Variants in SDK1 observed in about 807,000 individuals in gnomAD.
SDK1 encodes the protein sidekick cell adhesion molecule 1, also known as protein sidekick-1.
SDK1 carries 157 observed loss-of-function variants against 245.5 expected under a neutral mutation model. The observed-to-expected ratio is 0.64, with a 90% confidence interval of 0.56 to 0.73. The LOEUF (loss-of-function observed/expected upper bound fraction) is 0.73. Among genes scored for constraint, SDK1 ranks in the 30% least tolerant of loss-of-function variants. SDK1 has a pLI of 0.00. For missense variants in SDK1, 3,583 were observed against 3,002.3 expected (o/e 1.19, Z -4.52); for synonymous variants, 1,647 against 1,278.5 (o/e 1.29, Z -6.15).
chr7:3,645,378 G>A (rs1245533157), intron 4 of SDK1, among the ~76,000 whole-genome samples: 2 of 152,124 alleles, frequency 1.3e-5, no homozygotes, highest in African/African-American at 4.8e-5. Context: ...AGGCCCTTTA[G>A]TTTCGTATTT....
In SDK1 at chr7:3,592,205, G is replaced by T. The variant is rs189187722; in HGVS notation, c.299-26875G>T. ...TTTAGAGCTCCTCAAGTCATTATAA[G>T]AATCACCCAACAGTGTGAAATCAAA... On this transcript the variant is annotated intron_variant, in intron 1 of 44. Transcript: ENST00000404826. Among the ~76,000 whole-genome samples the T allele has an allele frequency of 5.3e-5, 8 of 152,228 alleles. No individual in the cohort carries two copies. The East Asian group carries it at 1.5e-3, about 29-fold the overall frequency.
intron 1 of SDK1, among the ~76,000 whole-genome samples, chr7:3,406,032 C>G (rs910649767): frequency 6.6e-6 from 1 of 152,062 alleles, no homozygotes; most frequent in Admixed American, 6.6e-5. Context: ...AGGCTGGTCT[C>G]AAACTCCTGA....
chr7:4,138,581 T>G (rs1417249703), intron 28 of SDK1, among the ~76,000 whole-genome samples: 1 of 151,998 alleles, frequency 6.6e-6, no homozygotes, highest in Non-Finnish European at 1.5e-5. Context: ...ACCCCGTTTC[T>G]ACTAAAAATA....
At chr7:3,629,881 CAG>C (rs1231809200) in intron 2 of SDK1, among the ~76,000 whole-genome samples, 2 of 152,000 alleles carry the variant, frequency 1.3e-5, no homozygotes, top group Non-Finnish European at 2.9e-5. Flanking sequence ...TTAGAGTTAA[CAG>C]AGAAAGATAA....
At chr7:3,339,697 T>C (rs1417232623) in intron 1 of SDK1, among the ~76,000 whole-genome samples, 1 of 152,048 alleles carries the variant, frequency 6.6e-6, no homozygotes, top group Non-Finnish European at 1.5e-5. Flanking sequence ...AATGAAAATA[T>C]GTTATTAAAT....
rs77355737 is a variant in SDK1, at chr7:3,626,798, C to G, written c.458+7559C>G. Among the ~76,000 whole-genome samples the G allele has an allele frequency of 3.5e-3, 527 of 152,196 alleles. 5 individuals are homozygous for G. Among genetic ancestry groups the G allele is most frequent in the African/African-American group, 0.012 (479 of 41,534 alleles). On this transcript the variant is annotated intron_variant, in intron 2 of 44. Coordinates refer to ENST00000404826, the MANE Select transcript of SDK1 (RefSeq NM_152744.4). ...AATTAGAGTCAAATTCTCTGGGTCC[C>G]TTTTTCTTCTATAGGAAATCTCCCC...
At chr7:3,337,817 G>C (rs1400033802) in intron 1 of SDK1, 1 of 152,156 alleles carries the variant, frequency 6.6e-6, no homozygotes, top group Non-Finnish European at 1.5e-5. Flanking sequence ...GGAATGAGGG[G>C]AAAAGGAAAA....
intron 5 of SDK1, among the ~76,000 whole-genome samples, chr7:3,900,930 A>G (rs553387183): frequency 6.6e-6 from 1 of 152,230 alleles, no homozygotes; most frequent in South Asian, 2.1e-4. Flanking sequence ...ATTCAAATTC[A>G]AATGTGCCTA....
At chr7:3,303,815 A>G (rs1394330920) in intron 1 of SDK1, among the ~76,000 whole-genome samples, 3 of 152,200 alleles carry the variant, frequency 2.0e-5, no homozygotes, top group Non-Finnish European at 2.9e-5. Context: ...ACAAAAGCTC[A>G]TGTATCTTGA....
intron 1 of SDK1, among the ~76,000 whole-genome samples, chr7:3,329,438 A>C (rs1780014046): frequency 6.6e-6 from 1 of 152,200 alleles, no homozygotes; most frequent in South Asian, 2.1e-4. Context: ...TAGGATATTT[A>C]GAGTTCAGAG....
intron 17 of SDK1, among the ~76,000 whole-genome samples, chr7:4,040,870 C>G (rs1028336838): frequency 2.0e-5 from 3 of 152,182 alleles, no homozygotes; most frequent in Non-Finnish European, 4.4e-5. Context: ...GTCTGGCCCT[C>G]AGGTAGCCCT....
chr7:3,334,587 C>T (rs1160710249), intron 1 of SDK1, among the ~76,000 whole-genome samples: 1 of 152,070 alleles, frequency 6.6e-6, no homozygotes, highest in African/African-American at 2.4e-5. Context: ...TCCAGAGGCC[C>T]CACGACAGCC....
Position 4,120,121 on chromosome 7 carries a change from A to ATT in SDK1, c.3823+5847_3823+5848insTT, listed in dbSNP as rs1783963254. Among the ~76,000 whole-genome samples the ATT allele has an allele frequency of 1.6e-5, 2 of 123,508 alleles. 1 individual carries two copies. Among genetic ancestry groups the ATT allele is most frequent in the Non-Finnish European group, 3.6e-5 (2 of 54,802 alleles). 81.0% of individuals were successfully genotyped at this position (123,508 alleles called of 152,430 possible). ...AACAACATAAAGACATAAGATTGAA[A>ATT]ATAGAGATTAAAAGACTTGAAGAAC... On this transcript the variant is annotated intron_variant, in intron 25 of 44. Coordinates refer to ENST00000404826, the MANE Select transcript of SDK1 (RefSeq NM_152744.4).
Position 4,026,023 on chromosome 7 carries a change from T to C in SDK1, c.2602+8671T>C, listed in dbSNP as rs1319486325. The stretch of plus-strand genomic sequence containing the variant: ...CCGGGACTGCAGCCCAGAAGGCGCA[T>C]GGGGAAATTAGGTCCACGAACGCGT... On this transcript the variant is annotated intron_variant, in intron 17 of 44. Transcript: ENST00000404826. This position sits in a 1 kb window ranked among gnomAD's most constrained non-coding sequence, Gnocchi z 4.1. Among the ~76,000 whole-genome samples, 2 of 152,178 alleles carry C rather than the reference T, an allele frequency of 1.3e-5. No individual in the cohort carries two copies. The highest frequency in any genetic ancestry group is 2.9e-5 in the Non-Finnish European group (2 of 68,046).
intron 17 of SDK1, among the ~76,000 whole-genome samples, chr7:4,041,623 C>G (rs886102883): frequency 1.3e-5 from 2 of 151,258 alleles, no homozygotes; most frequent in Non-Finnish European, 2.9e-5. Flanking sequence ...CTGCCGACCC[C>G]CAGCAGCCAC....
intron 5 of SDK1, among the ~76,000 whole-genome samples, chr7:3,912,258 G>A (rs1309813202): frequency 1.3e-5 from 2 of 152,204 alleles, no homozygotes; most frequent in African/African-American, 4.8e-5. Flanking sequence ...GCTATAGGAG[G>A]AGGAGCTTTC....
chr7:3,810,953 T>C lies in SDK1; in HGVS notation c.714-10497T>C, dbSNP rs1779369439. ...TTCTGGTCATTTTATGACTCTAATG[T>C]GATAATTCAGTGACCGAGCTGTGTT... On this transcript the variant is annotated intron_variant, in intron 4 of 44. Transcript: ENST00000404826. Among the ~76,000 whole-genome samples the C allele has an allele frequency of 2.6e-5, 4 of 152,324 alleles. No individual in the cohort carries two copies. The South Asian group carries it at 8.3e-4, about 32-fold the overall frequency.
intron 1 of SDK1, among the ~76,000 whole-genome samples, chr7:3,614,064 A>G (rs913832451): frequency 2.0e-5 from 3 of 152,156 alleles, no homozygotes; most frequent in Non-Finnish European, 2.9e-5. Context: ...CTGTACAACA[A>G]ACCCCCATAG....
chr7:3,724,626 G>T (rs1350682614), intron 4 of SDK1, among the ~76,000 whole-genome samples: 1 of 152,158 alleles, frequency 6.6e-6, no homozygotes, highest in Non-Finnish European at 1.5e-5. Context: ...AACAAAAGTG[G>T]TTTTTATCCC....
Sources: allele counts gnomAD v4.1 joint callset (sites outside exome capture counted in the v4.1 genomes callset), GRCh38; gene constraint gnomAD v4.1.1; non-coding constraint Gnocchi (gnomAD v3.1); transcripts MANE v1.5; gene names NCBI Gene and HGNC (gene_info 2026-07-23, HGNC 2026-07-21).